EIF3D: variants seen among roughly 807,000 people sequenced by gnomAD.
EIF3D encodes eukaryotic translation initiation factor 3 subunit D, also known as eIF3 p66.
EIF3D carries 10 observed loss-of-function variants against 75.4 expected under a neutral mutation model. The ratio of observed to expected loss-of-function variants is 0.13; its 90% CI spans 0.08 to 0.22. The LOEUF is 0.22. Among genes scored for constraint, EIF3D ranks in the 10% least tolerant of loss-of-function variants. EIF3D has a pLI of 1.00. For synonymous variants in EIF3D, 246 were observed against 248.3 expected (o/e 0.99, Z 0.09); for missense variants, 394 against 708.0 (o/e 0.56, Z 5.03).
At chr22:36,518,644 G>T in intron 9 of EIF3D, 119 bp downstream of exon 9, 1 of 1,278,556 alleles carries the variant, frequency 7.8e-7, no homozygotes, top group Non-Finnish European at 1.1e-6. Flanking sequence ...AGACACTGCT[G>T]CTGTCAATTC....
intron 10 of EIF3D, 64 bp downstream of exon 10, chr22:36,517,237 A>ATATC: frequency 6.2e-7 from 1 of 1,608,770 alleles, no homozygotes; most frequent in Non-Finnish European, 8.5e-7. Context: ...CACAAAGCAG[A>ATATC]TGCTCCACAA....
At chr22:36,527,332 G>A (rs6000296) in intron 1 of EIF3D, among the ~76,000 whole-genome samples, 55,297 of 151,922 alleles carry the variant, frequency 0.36, 11,006 homozygotes, top group African/African-American at 0.52. Flanking sequence ...GCCCAAAGTT[G>A]AAATGCTAGT....
chr22:36,517,243 C>T, intron 10 of EIF3D, 58 bp downstream of exon 10: 2 of 1,610,536 alleles, frequency 1.2e-6, no homozygotes, highest in Non-Finnish European at 1.7e-6. Context: ...GCAGATGCTC[C>T]ACAAACAGCA....
At chr22:36,518,337 A>C (rs1286942708) in intron 9 of EIF3D, among the ~76,000 whole-genome samples, 1 of 151,984 alleles carries the variant, frequency 6.6e-6, no homozygotes, top group Non-Finnish European at 1.5e-5. Context: ...AAAAATATAG[A>C]AAGTAGCCAG....
At position 36,511,744 on chromosome 22, in the gene EIF3D, G is replaced by A; in HGVS notation, c.1392C>T (p.Val464=). ...GCTTGAACTGCTGGGTGCCTAGGAT[G>A]ACGTGGCGTGAGGAGTCTTTCACGT... The part of the protein sequence containing the change: ...RYHVKDSSRH[V]ILGTQQFKPN... Residue 464 remains valine, a synonymous_variant, in exon 14 of 15, where the codon GTC becomes GTT. Transcript: ENST00000216190. 1 of 1,614,104 alleles carries A rather than the reference G, an allele frequency of 6.2e-7. No individual in the cohort carries two copies. The highest frequency in any genetic ancestry group is 1.7e-5 in the Admixed American group (1 of 60,012).
chr22:36,513,431 T>C (rs2145869055), intron 12 of EIF3D, among the ~76,000 whole-genome samples: 1 of 152,238 alleles, frequency 6.6e-6, no homozygotes, highest in Admixed American at 6.5e-5. Flanking sequence ...GCCTCCCTAG[T>C]AGTTGGGATT....
intron 12 of EIF3D, among the ~76,000 whole-genome samples, chr22:36,515,440 A>G (rs1020029338): frequency 6.6e-6 from 1 of 152,196 alleles, no homozygotes; most frequent in African/African-American, 2.4e-5. Context: ...AGGCAGGAGA[A>G]TCGCTTGAGC....
intron 6 of EIF3D, among the ~76,000 whole-genome samples, chr22:36,522,367 A>C (rs1934527488): frequency 6.6e-6 from 1 of 152,146 alleles, no homozygotes; most frequent in Non-Finnish European, 1.5e-5. Flanking sequence ...AAAAGAAAAG[A>C]AAAAGAAAAC....
At chr22:36,525,976 G>A in intron 2 of EIF3D, 23 bp downstream of exon 2, 1 of 1,586,824 alleles carries the variant, frequency 6.3e-7, no homozygotes, top group Non-Finnish European at 8.6e-7. Context: ...CAAAGATTCA[G>A]ACTCCTGCTG....
Position 36,511,603 on chromosome 22 carries a change from G to A in EIF3D, c.1533C>T (p.Asp511=), listed in dbSNP as rs770561755. The A allele has an allele frequency of 3.1e-6, 5 of 1,614,098 alleles. No homozygotes were observed. The highest frequency in any genetic ancestry group is 4.2e-6 in the Non-Finnish European group (5 of 1,180,014). Residue 511 remains aspartate (D), a synonymous_variant, in exon 14 of 15, where the codon GAC becomes GAT. Coordinates refer to ENST00000216190, the MANE Select transcript of EIF3D (RefSeq NM_003753.4). ...LEEGKYLILK[D]PNKQVIRVYS... ...AGACACGGATGACCTGCTTGTTGGG[G>A]TCCTTGAGGATGAGGTATTTGCCCT... is the stretch of plus-strand genomic sequence containing the variant.
Position 36,523,999 on chromosome 22 carries a change from C to A in EIF3D, c.307-19G>T. The A allele has an allele frequency of 1.2e-6, 2 of 1,613,762 alleles. No individual in the cohort carries two copies. Among genetic ancestry groups the A allele is most frequent in the East Asian group, 2.2e-5 (1 of 44,874 alleles). On this transcript the variant is annotated intron_variant, in intron 4 of 14. Coordinates refer to ENST00000216190, the MANE Select transcript of EIF3D (RefSeq NM_003753.4). ...GGTTCCTCTGGGCATCAGCAAGAAACATCCATGTTAAAATCTTGGAGATTT... is the reference window on the plus strand; with the variant it reads ...GGTTCCTCTGGGCATCAGCAAGAAAAATCCATGTTAAAATCTTGGAGATTT...
chr22:36,518,879 G>C lies in EIF3D; in HGVS notation c.743C>G (p.Thr248Ser). 3 of 1,614,206 alleles carry C rather than the reference G, an allele frequency of 1.9e-6. No homozygotes were observed. Among genetic ancestry groups the C allele is most frequent in the Non-Finnish European group, 2.5e-6 (3 of 1,180,030 alleles). The change falls in exon 9 of 15, where the codon ACT (threonine) becomes AGT (serine). Residue 248 changes from threonine (T) to serine (S), a missense_variant. By Grantham distance (58) the Thr-to-Ser change is moderately conservative (BLOSUM62 1). Transcript: ENST00000216190. Reference sequence around the variant, plus strand: ...CATCAGCGTGGCCAGGATGGCATCAGTGGCAAACACATTCCCCTGAGTTTT... The same window carrying C: ...CATCAGCGTGGCCAGGATGGCATCACTGGCAAACACATTCCCCTGAGTTTT... ...LAKTQGNVFA[T>S]DAILATLMSC...
chr22:36,515,961 C>G (rs1460755283), intron 12 of EIF3D: 1 of 152,462 alleles, frequency 6.6e-6, no homozygotes. Context: ...ATGTTTCTTT[C>G]AAGGTGCCTC....
chr22:36,516,009 A>G (rs1229913400), intron 12 of EIF3D: 1 of 153,870 alleles, frequency 6.5e-6, no homozygotes. Context: ...AGAATCCATG[A>G]GTTAAAGAAA....
chr22:36,520,709 A>G lies in EIF3D; in HGVS notation c.466-21T>C, dbSNP rs1271665513. The G allele has an allele frequency of 1.9e-6, 3 of 1,550,622 alleles. No individual in the cohort carries two copies. The Admixed American group carries it at 5.2e-5, about 27-fold the overall frequency. On this transcript the variant is annotated intron_variant, in intron 6 of 14. Transcript: ENST00000216190. ...GGTTTCTGCAGTTGAAAACCATTAGAGGAAAAAAAAGTTATAGTCCATACA... is the reference window on the plus strand; with the variant it reads ...GGTTTCTGCAGTTGAAAACCATTAGGGGAAAAAAAAGTTATAGTCCATACA...
chr22:36,519,132 T>G (rs1371739827), intron 8 of EIF3D, among the ~76,000 whole-genome samples: 2 of 152,228 alleles, frequency 1.3e-5, no homozygotes, highest in Admixed American at 1.3e-4. Context: ...GTGCTTCAGA[T>G]GCTTTCACCT....
chr22:36,522,005 G>A (rs1236602239), intron 6 of EIF3D, among the ~76,000 whole-genome samples: 2 of 151,914 alleles, frequency 1.3e-5, no homozygotes, highest in African/African-American at 4.8e-5. Flanking sequence ...TGAACAACAT[G>A]GGTTTGAAGT....
At chr22:36,528,311 C>T (rs1295573285) in intron 1 of EIF3D, among the ~76,000 whole-genome samples, 3 of 152,100 alleles carry the variant, frequency 2.0e-5, no homozygotes, top group African/African-American at 7.2e-5. Flanking sequence ...TCAAAACACA[C>T]TTTAAAAAAT....
intron 9 of EIF3D, 23 bp from the exon 10 acceptor site, chr22:36,517,454 C>T (rs1028585117): frequency 1.3e-6 from 2 of 1,597,718 alleles, no homozygotes; most frequent in African/African-American, 1.4e-5. Flanking sequence ...GGCATGGTCA[C>T]TCACCATGCA....
Sources: gnomAD v4.1 joint callset for allele counts (sites outside exome capture counted in the v4.1 genomes callset) on GRCh38, gnomAD v4.1.1 for gene constraint, MANE v1.5 for transcripts, NCBI Gene and HGNC (gene_info 2026-07-23, HGNC 2026-07-21) for gene names.